The following HS3ST2 variants were observed in gnomAD, a reference collection of about 807,000 sequenced individuals.
The protein encoded by HS3ST2 is heparan sulfate glucosamine 3-O-sulfotransferase 2.
A neutral mutation model predicts 26.3 loss-of-function variants in HS3ST2; 17 were observed. That is an observed-to-expected ratio of 0.65 (90% CI 0.44 to 0.97). HS3ST2 has a LOEUF of 0.97. HS3ST2 is among the 50% of genes least tolerant of loss of function. The pLI, the probability that HS3ST2 is intolerant of heterozygous loss-of-function variation, is 0.00. For synonymous variants in HS3ST2, 237 were observed against 219.2 expected (o/e 1.08, Z -0.72); for missense variants, 402 against 501.2 (o/e 0.80, Z 1.89).
intron 1 of HS3ST2, among the ~76,000 whole-genome samples, chr16:22,850,950 G>A (rs1398873838): frequency 6.6e-6 from 1 of 152,184 alleles, no homozygotes; most frequent in African/African-American, 2.4e-5. Flanking sequence ...TGCATGGCTG[G>A]GAGCTGCTTC....
At chr16:22,907,330 G>T (rs1335349480) in intron 1 of HS3ST2, among the ~76,000 whole-genome samples, 1 of 152,204 alleles carries the variant, frequency 6.6e-6, no homozygotes, top group Non-Finnish European at 1.5e-5. Flanking sequence ...AATCATTGAT[G>T]CCTGACTTAA....
intron 1 of HS3ST2, among the ~76,000 whole-genome samples, chr16:22,889,095 C>G (rs1902100398): frequency 6.6e-6 from 1 of 152,146 alleles, no homozygotes; most frequent in Non-Finnish European, 1.5e-5. Context: ...CGAGGTCGGC[C>G]CATCTTCCTT....
At chr16:22,873,724 T>C (rs1901869453) in intron 1 of HS3ST2, among the ~76,000 whole-genome samples, 1 of 152,186 alleles carries the variant, frequency 6.6e-6, no homozygotes, top group Non-Finnish European at 1.5e-5. Context: ...AACAGCCACT[T>C]ACGGAGTCCA....
intron 1 of HS3ST2, among the ~76,000 whole-genome samples, chr16:22,901,882 G>T (rs916461339): frequency 2.6e-5 from 4 of 152,100 alleles, no homozygotes; most frequent in Non-Finnish European, 5.9e-5. Flanking sequence ...TTTAAAAATA[G>T]CTTTTCATTA....
chr16:22,830,278 G>A (rs962083510), intron 1 of HS3ST2, among the ~76,000 whole-genome samples: 10 of 152,168 alleles, frequency 6.6e-5, no homozygotes, highest in African/African-American at 2.4e-4. Flanking sequence ...GGGTAGAGGT[G>A]CTCACAGGTT....
intron 1 of HS3ST2, among the ~76,000 whole-genome samples, chr16:22,913,335 G>A (rs1018104933): frequency 2.7e-4 from 41 of 152,208 alleles, no homozygotes; most frequent in Non-Finnish European, 5.1e-4. Context: ...AGATGCTCCT[G>A]GGAAAGAGAC....
chr16:22,820,524 T>C (rs185269588), intron 1 of HS3ST2, among the ~76,000 whole-genome samples: 2 of 152,212 alleles, frequency 1.3e-5, no homozygotes, highest in African/African-American at 4.8e-5. Flanking sequence ...GAGAAAGGCA[T>C]GTTTTACATG....
At chr16:22,890,810 A>G (rs1419434879) in intron 1 of HS3ST2, among the ~76,000 whole-genome samples, 2 of 152,236 alleles carry the variant, frequency 1.3e-5, no homozygotes, top group Non-Finnish European at 2.9e-5. Flanking sequence ...GGGCCTTCCT[A>G]ATTGTAAAGA....
intron 1 of HS3ST2, among the ~76,000 whole-genome samples, chr16:22,888,933 TG>T (rs1567497654): frequency 2.0e-5 from 3 of 152,240 alleles, no homozygotes; most frequent in Admixed American, 1.3e-4. Flanking sequence ...TGTAGCCCTT[TG>T]TCTTCTTGGC....
chr16:22,848,827 A>G (rs919052451), intron 1 of HS3ST2, among the ~76,000 whole-genome samples: 3 of 152,178 alleles, frequency 2.0e-5, no homozygotes, highest in African/African-American at 7.2e-5. Context: ...CTGCCAAGGG[A>G]AGGAACCCTG....
At chr16:22,858,686 T>C (rs1259306242) in intron 1 of HS3ST2, among the ~76,000 whole-genome samples, 2 of 152,154 alleles carry the variant, frequency 1.3e-5, no homozygotes, top group Non-Finnish European at 2.9e-5. Context: ...GTCCCAGCTT[T>C]GTACTGTGTG....
At chr16:22,872,237 CT>C (rs2141193561) in intron 1 of HS3ST2, among the ~76,000 whole-genome samples, 1 of 152,314 alleles carries the variant, frequency 6.6e-6, no homozygotes, top group South Asian at 2.1e-4. Flanking sequence ...AATAATCTGC[CT>C]TTCTCTTCTC....
Position 22,815,157 on chromosome 16 carries a change from T to C in HS3ST2, c.485+62T>C, listed in dbSNP as rs183892748. ...CTGATCGCTTCCATTGGGAGAGCCA[T>C]CCGTCTCTTGTGTTTTCTCTTTCTT... On this transcript the variant is annotated intron_variant, in intron 1 of 1. Transcript: ENST00000261374. 3.2e-4 allele frequency: 516 copies of C among 1,588,702 alleles called. 3 individuals are homozygous for C. In the Middle Eastern group the frequency reaches 0.014, roughly 44 times the overall value.
chr16:22,881,292 T>G (rs906295872), intron 1 of HS3ST2, among the ~76,000 whole-genome samples: 25 of 152,182 alleles, frequency 1.6e-4, no homozygotes, highest in Admixed American at 3.9e-4. Flanking sequence ...CCCTTCCTCC[T>G]CCACTGCTGA....
chr16:22,906,549 T>G (rs1902355520), intron 1 of HS3ST2, among the ~76,000 whole-genome samples: 1 of 152,160 alleles, frequency 6.6e-6, no homozygotes, highest in Non-Finnish European at 1.5e-5. Context: ...GGCAGAGCCT[T>G]GGGCTAGAGA....
chr16:22,879,579 TG>T (rs1284422764), intron 1 of HS3ST2, among the ~76,000 whole-genome samples: 1 of 152,152 alleles, frequency 6.6e-6, no homozygotes, highest in Non-Finnish European at 1.5e-5. Context: ...CCGAGTGAGC[TG>T]GCCCCACTTT....
intron 1 of HS3ST2, among the ~76,000 whole-genome samples, chr16:22,869,441 T>C (rs1373250692): frequency 6.6e-6 from 1 of 152,176 alleles, no homozygotes; most frequent in East Asian, 1.9e-4. Flanking sequence ...ACTGTGTTAG[T>C]CTGTTTTAAT....
At chr16:22,846,798 G>T (rs208962) in intron 1 of HS3ST2, among the ~76,000 whole-genome samples, 56,590 of 151,186 alleles carry the variant, frequency 0.37, 11,359 homozygotes, top group African/African-American at 0.53. Context: ...AAACCTTAAT[G>T]TAAAAAAAAA....
intron 1 of HS3ST2, among the ~76,000 whole-genome samples, chr16:22,908,955 A>G (rs1290721332): frequency 6.6e-6 from 1 of 152,240 alleles, no homozygotes; most frequent in African/African-American, 2.4e-5. Flanking sequence ...ACTTACTGGA[A>G]GGATGTGTAG....
Sources: gnomAD v4.1 joint callset for allele counts (sites outside exome capture counted in the v4.1 genomes callset) on GRCh38, gnomAD v4.1.1 for gene constraint, MANE v1.5 for transcripts, NCBI Gene and HGNC (gene_info 2026-07-23, HGNC 2026-07-21) for gene names.